DIP2C: variants seen among roughly 807,000 people sequenced by gnomAD.
The protein encoded by DIP2C is disco-interacting protein 2 homolog C.
DIP2C carries 33 observed loss-of-function variants against 192.4 expected under a neutral mutation model. The observed-to-expected ratio is 0.17, with a 90% CI of 0.13 to 0.23. DIP2C has a LOEUF of 0.23. DIP2C is among the 10% of genes least tolerant of loss of function. The pLI is 1.00. For missense variants in DIP2C, 1,537 were observed against 2,110.1 expected, an observed-to-expected ratio of 0.73 and a Z score of 5.32; for synonymous variants, 979 against 864.1, an observed-to-expected ratio of 1.13 and a Z score of -2.33.
intron 1 of DIP2C, among the ~76,000 whole-genome samples, chr10:493,731 G>T (rs997182060): frequency 6.6e-6 from 1 of 152,200 alleles, no homozygotes; most frequent in East Asian, 1.9e-4. Flanking sequence ...AAGGATGGAG[G>T]CCGATTATCC....
At chr10:423,156 T>A in intron 4 of DIP2C, 123 bp from the exon 5 acceptor site, 1 of 943,144 alleles carries the variant, frequency 1.1e-6, no homozygotes, top group South Asian at 1.7e-5. Flanking sequence ...GACTTTTTGA[T>A]ACACTCTTGA....
chr10:596,400 G>A (rs1412703151), intron 1 of DIP2C, among the ~76,000 whole-genome samples: 1 of 143,558 alleles, frequency 7.0e-6, no homozygotes, highest in East Asian at 2.1e-4. Flanking sequence ...GGAGGCTAAA[G>A]GAGGAGAATC....
At chr10:609,503 T>C (rs1187832618) in intron 1 of DIP2C, among the ~76,000 whole-genome samples, 1 of 152,208 alleles carries the variant, frequency 6.6e-6, no homozygotes, top group Non-Finnish European at 1.5e-5. Context: ...CCACAGCTCA[T>C]CTTCTCAAAC....
intron 1 of DIP2C, among the ~76,000 whole-genome samples, chr10:491,555 G>C (rs570453916): frequency 6.6e-6 from 1 of 152,202 alleles, no homozygotes; most frequent in Non-Finnish European, 1.5e-5. Context: ...AGGGGCAGGA[G>C]GACCTGGGAT....
rs757224464 is a variant in DIP2C, at chr10:652,725, AC to A, written c.85+36768del. The stretch of plus-strand genomic sequence containing the variant: ...TTCCCGGTGCTGACCCCATGAGAAC[AC>A]TTTGTGCGTCTTTCTAGGTATTTTC... On this transcript the variant is annotated intron_variant, in intron 1 of 36. Transcript: ENST00000280886. The surrounding 1 kb of genome is among the most constrained non-coding windows in gnomAD (Gnocchi z 4.5). The A allele has an allele frequency of 6.6e-6, 1 of 151,336 alleles. No individual in the cohort carries two copies. Among genetic ancestry groups the A allele is most frequent in the Non-Finnish European group, 1.5e-5 (1 of 67,976 alleles). The allele number at this position is 151,336 out of a possible 1,614,324, so 9.4% of individuals were successfully genotyped here.
chr10:525,645 G>C (rs1847004846), intron 1 of DIP2C, among the ~76,000 whole-genome samples: 1 of 152,174 alleles, frequency 6.6e-6, no homozygotes, highest in East Asian at 1.9e-4. Flanking sequence ...GCCCACTGAG[G>C]ACAGGGAGAG....
chr10:519,450 G>T (rs185682757), intron 1 of DIP2C, among the ~76,000 whole-genome samples: 1 of 152,156 alleles, frequency 6.6e-6, no homozygotes, highest in Admixed American at 6.5e-5. Context: ...TGCTGACCCC[G>T]CGTGGTATTG....
chr10:558,498 G>A (rs1349547754), intron 1 of DIP2C, among the ~76,000 whole-genome samples: 4 of 152,158 alleles, frequency 2.6e-5, no homozygotes, highest in Non-Finnish European at 2.9e-5. Context: ...ATGTAGATAC[G>A]GGGGGTGGAG....
chr10:375,513 G>C (rs1004946542), intron 17 of DIP2C, among the ~76,000 whole-genome samples: 1 of 152,216 alleles, frequency 6.6e-6, no homozygotes, highest in Non-Finnish European at 1.5e-5. Context: ...AAGCAGGCCA[G>C]ACCTTGCAAT....
chr10:596,746 G>A (rs558423743), intron 1 of DIP2C, among the ~76,000 whole-genome samples: 14 of 152,094 alleles, frequency 9.2e-5, no homozygotes, highest in South Asian at 2.1e-4. Context: ...CAGAGCACCC[G>A]GCTCAAGCGT....
intron 32 of DIP2C, among the ~76,000 whole-genome samples, chr10:303,319 C>T (rs1412912640): frequency 6.6e-6 from 1 of 152,212 alleles, no homozygotes; most frequent in African/African-American, 2.4e-5. Flanking sequence ...GCTGTAGATT[C>T]ATAAACACTG....
At chr10:492,238 C>T (rs1844500696) in intron 1 of DIP2C, among the ~76,000 whole-genome samples, 1 of 152,188 alleles carries the variant, frequency 6.6e-6, no homozygotes, top group Non-Finnish European at 1.5e-5. Context: ...ACGTGGTGAG[C>T]CTCTCTCCCC....
chr10:414,559 GAGTGC>G (rs1965413404), intron 7 of DIP2C, among the ~76,000 whole-genome samples: 1 of 151,648 alleles, frequency 6.6e-6, no homozygotes, highest in African/African-American at 2.4e-5. Flanking sequence ...GCCTTGGCTG[GAGTGC>G]AGTGGCATGA....
At chr10:513,722 A>C (rs952274287) in intron 1 of DIP2C, among the ~76,000 whole-genome samples, 2 of 152,186 alleles carry the variant, frequency 1.3e-5, no homozygotes, top group Admixed American at 6.5e-5. Context: ...AACATTCATC[A>C]AAGTAAAACC....
intron 17 of DIP2C, among the ~76,000 whole-genome samples, chr10:376,503 T>C (rs1961608973): frequency 6.6e-6 from 1 of 150,806 alleles, no homozygotes; most frequent in African/African-American, 2.4e-5. Context: ...GAGAGTGGGG[T>C]TGGGAGGGGG....
chr10:279,353 G>C (rs1954692569), intron 36 of DIP2C, among the ~76,000 whole-genome samples: 2 of 152,160 alleles, frequency 1.3e-5, no homozygotes, highest in Admixed American at 6.5e-5. Context: ...AATAGTCCTA[G>C]AGTATCCAAA....
chr10:375,414 GT>G (rs1209455276), intron 17 of DIP2C, among the ~76,000 whole-genome samples: 1 of 152,172 alleles, frequency 6.6e-6, no homozygotes, highest in Non-Finnish European at 1.5e-5. Context: ...CTACAGAACT[GT>G]GAGCCAAAAT....
At chr10:393,778 C>CAAAAAAA (rs34390976) in intron 10 of DIP2C, among the ~76,000 whole-genome samples, 8 of 66,294 alleles carry the variant, frequency 1.2e-4, no homozygotes, top group African/African-American at 2.5e-4. Flanking sequence ...GACTCCGTCT[C>CAAAAAAA]AAAAAAAAAA....
chr10:296,303 G>A (rs1484348904), intron 32 of DIP2C, among the ~76,000 whole-genome samples: 1 of 152,114 alleles, frequency 6.6e-6, no homozygotes, highest in Non-Finnish European at 1.5e-5. Flanking sequence ...TGTATAAGCT[G>A]TAATCAGAGA....
Sources: allele counts gnomAD v4.1 joint callset (sites outside exome capture counted in the v4.1 genomes callset), GRCh38; gene constraint gnomAD v4.1.1; non-coding constraint Gnocchi (gnomAD v3.1); transcripts MANE v1.5; gene names NCBI Gene and HGNC (gene_info 2026-07-23, HGNC 2026-07-21).